The following PRELID3A variants were observed in gnomAD, a reference collection of about 807,000 sequenced individuals.
PRELID3A encodes the protein PRELI domain containing protein 3A.
PRELID3A carries 27 observed loss-of-function variants against 23.0 expected under a neutral mutation model. The ratio of observed to expected loss-of-function variants is 1.17; its 90% confidence interval spans 0.87 to 1.62. PRELID3A has a LOEUF of 1.62. Ranked by LOEUF, PRELID3A falls within the 40% of genes most tolerant of loss-of-function variation. The pLI, the probability that PRELID3A is intolerant of heterozygous loss-of-function variation, is 0.00. For missense variants in PRELID3A, 231 were observed against 231.4 expected (o/e 1.00, Z 0.01); for synonymous variants, 87 against 86.4 (o/e 1.01, Z -0.04).
chr18:12,427,059 G>C lies in PRELID3A; in HGVS notation c.310G>C (p.Val104Leu), dbSNP rs372548166. The C allele has an allele frequency of 6.2e-7, 1 of 1,612,600 alleles. No individual in the cohort carries two copies. Among genetic ancestry groups the C allele is most frequent in the East Asian group, 2.2e-5 (1 of 44,858 alleles). The change falls in exon 4 of 7, where the codon GTG (valine) becomes CTG (leucine). Residue 104 changes from valine to leucine, a missense_variant. Val to Leu is a conservative substitution (Grantham distance 32). Transcript: ENST00000440960. ...TTTTAAGATCACACTCACAAATTTG[G>C]TGTCAGTTAATGAGAGGTTGGTGTA... ...CSTNITLTNL[V>L]SVNERLVYTP... is the part of the protein sequence containing the mutation.
chr18:12,419,726 T>G (rs1314999831), intron 1 of PRELID3A, among the ~76,000 whole-genome samples: 1 of 150,266 alleles, frequency 6.7e-6, no homozygotes, highest in South Asian at 2.1e-4. Context: ...GATCACGAGG[T>G]CAGGAGATCG....
chr18:12,425,851 G>GA (rs1568165492), intron 3 of PRELID3A, among the ~76,000 whole-genome samples: 1 of 150,844 alleles, frequency 6.6e-6, no homozygotes, highest in Non-Finnish European at 1.5e-5. Flanking sequence ...GAAGTGAGAG[G>GA]ATCACTTGAG....
At chr18:12,420,219 G>A (rs2030111838) in intron 1 of PRELID3A, 106 bp from the exon 2 acceptor site, 2 of 1,463,548 alleles carry the variant, frequency 1.4e-6, no homozygotes, top group Admixed American at 5.2e-5. Flanking sequence ...TCATTAAAGT[G>A]AAGAGACTAG....
chr18:12,413,134 G>A (rs896692406), intron 1 of PRELID3A, among the ~76,000 whole-genome samples: 9 of 152,126 alleles, frequency 5.9e-5, no homozygotes, highest in Non-Finnish European at 1.2e-4. Flanking sequence ...CAAAAGAAAC[G>A]GTAGCTTCTT....
At chr18:12,419,074 A>G (rs1271515614) in intron 1 of PRELID3A, among the ~76,000 whole-genome samples, 1 of 152,194 alleles carries the variant, frequency 6.6e-6, no homozygotes, top group Non-Finnish European at 1.5e-5. Flanking sequence ...CTGTAATCCT[A>G]GCACTTTGGG....
intron 1 of PRELID3A, among the ~76,000 whole-genome samples, chr18:12,413,261 A>T (rs1909976216): frequency 6.6e-6 from 1 of 152,204 alleles, no homozygotes. Context: ...GCAACATAGT[A>T]GAATATGTCT....
chr18:12,426,342 C>G (rs1249268759), intron 3 of PRELID3A, among the ~76,000 whole-genome samples: 1 of 151,092 alleles, frequency 6.6e-6, no homozygotes, highest in Admixed American at 6.6e-5. Flanking sequence ...ATCACGAGGT[C>G]AGGAGATCGA....
intron 1 of PRELID3A, among the ~76,000 whole-genome samples, chr18:12,416,214 T>C (rs2029945763): frequency 6.6e-6 from 1 of 152,220 alleles, no homozygotes; most frequent in South Asian, 2.1e-4. Context: ...CTATTTCCTA[T>C]ACCCTTTCCA....
intron 5 of PRELID3A, among the ~76,000 whole-genome samples, chr18:12,429,117 A>G (rs2030473871): frequency 6.6e-6 from 1 of 152,124 alleles, no homozygotes; most frequent in Non-Finnish European, 1.5e-5. Context: ...GTATTGAGCT[A>G]AGCCGGGCGC....
intron 1 of PRELID3A, among the ~76,000 whole-genome samples, chr18:12,409,298 C>T (rs1238131933): frequency 1.3e-5 from 2 of 150,330 alleles, no homozygotes; most frequent in Admixed American, 6.7e-5. Context: ...TCCTGAGTAG[C>T]TGGGACTACA....
intron 1 of PRELID3A, chr18:12,419,947 G>C (rs569171147): frequency 8.1e-4 from 182 of 224,174 alleles, no homozygotes; most frequent in Non-Finnish European, 1.3e-3. Context: ...AAGTCATTCA[G>C]GTTTGGTGGC....
intron 5 of PRELID3A, 104 bp from the exon 6 acceptor site, chr18:12,429,246 C>T: frequency 2.2e-6 from 2 of 919,244 alleles, no homozygotes; most frequent in Non-Finnish European, 1.8e-6. Context: ...CTCCTTGTAA[C>T]TGCAGCGCTT....
intron 1 of PRELID3A, among the ~76,000 whole-genome samples, chr18:12,418,536 G>A (rs1294323279): frequency 2.6e-5 from 4 of 152,214 alleles, no homozygotes; most frequent in African/African-American, 4.8e-5. Flanking sequence ...GTGCATAGGT[G>A]TGTGCACACA....
At chr18:12,410,279 C>G (rs10164125) in intron 1 of PRELID3A, among the ~76,000 whole-genome samples, 24,557 of 152,280 alleles carry the variant, frequency 0.16, 2,320 homozygotes, top group East Asian at 0.37. Flanking sequence ...AGATGTCCTT[C>G]CAGGACAGGG....
intron 3 of PRELID3A, among the ~76,000 whole-genome samples, chr18:12,421,886 CCT>C (rs1468167233): frequency 1.3e-5 from 2 of 152,094 alleles, no homozygotes; most frequent in Non-Finnish European, 2.9e-5. Context: ...TTGACCAGCC[CCT>C]GAGACCCCTT....
chr18:12,420,339 C>T lies in PRELID3A; in HGVS notation c.47C>T (p.Thr16Met), dbSNP rs748480538. ...TCTCCCCGCAGCCACCCGTGGGACA[C>T]GGTCATCCAGGCGGCCATGCGCAAG... ...SEHVFGHPWD[T>M]VIQAAMRKYP... Residue 16 changes from threonine (T) to methionine (M), a missense_variant, in exon 2 of 7, where the codon ACG becomes ATG. Coordinates refer to ENST00000440960, the MANE Select transcript of PRELID3A (RefSeq NM_001142405.2). The T allele has an allele frequency of 1.9e-6, 3 of 1,609,682 alleles. No homozygotes were observed. In the South Asian group the frequency reaches 3.3e-5, roughly 18 times the overall value.
At chr18:12,426,876 A>C (rs963877662) in intron 3 of PRELID3A, among the ~76,000 whole-genome samples, 165 bp from the exon 4 acceptor site, 1 of 152,160 alleles carries the variant, frequency 6.6e-6, no homozygotes, top group Admixed American at 6.5e-5. Context: ...AAGGAACAGC[A>C]AAACCATGGT....
chr18:12,427,353 T>C, intron 5 of PRELID3A, 30 bp downstream of exon 5: 1 of 1,459,220 alleles, frequency 6.9e-7, no homozygotes, highest in East Asian at 2.3e-5. Flanking sequence ...GAGTCCTGTG[T>C]GTGCTCTAGT....
In PRELID3A at chr18:12,415,113, G is replaced by T. The variant is rs569461761; in HGVS notation, c.33-5212G>T. Among the ~76,000 whole-genome samples the T allele has an allele frequency of 1.9e-3, 290 of 151,964 alleles. 2 individuals are homozygous for T. The highest frequency in any genetic ancestry group is 7.9e-3 in the South Asian group (38 of 4,814). On this transcript the variant is annotated intron_variant, in intron 1 of 6. Coordinates refer to ENST00000440960, the MANE Select transcript of PRELID3A (RefSeq NM_001142405.2). ...CTGGCTAATTTTCGTATTTTTTGTTGACATAGGGATCTTGCTCTATTGCGC... is the reference window on the plus strand; with the variant it reads ...CTGGCTAATTTTCGTATTTTTTGTTTACATAGGGATCTTGCTCTATTGCGC...
Sources: allele counts gnomAD v4.1 joint callset (sites outside exome capture counted in the v4.1 genomes callset), GRCh38; gene constraint gnomAD v4.1.1; transcripts MANE v1.5; gene names NCBI Gene and HGNC (gene_info 2026-07-23, HGNC 2026-07-21).